Variants in TLK1 observed in about 807,000 individuals in gnomAD.
TLK1 encodes the protein serine/threonine-protein kinase tousled-like 1.
TLK1 carries 24 observed loss-of-function variants against 105.3 expected under a neutral mutation model. The observed-to-expected ratio is 0.23, with a 90% CI of 0.17 to 0.32. The LOEUF is 0.32. Among genes scored for constraint, TLK1 ranks in the 10% least tolerant of loss-of-function variants. TLK1 has a pLI of 1.00. For synonymous variants in TLK1, 321 were observed against 310.4 expected, an observed-to-expected ratio of 1.03 and a Z score of -0.36; for missense variants, 558 against 910.5, an observed-to-expected ratio of 0.61 and a Z score of 4.98.
intron 1 of TLK1, among the ~76,000 whole-genome samples, chr2:171,140,397 T>C (rs1448214126): frequency 2.6e-5 from 4 of 151,768 alleles, no homozygotes; most frequent in Non-Finnish European, 5.9e-5. Context: ...TTCCCAGAAG[T>C]GAGTCTGGTA....
At chr2:170,998,686 T>C (rs1684202938) in intron 18 of TLK1, among the ~76,000 whole-genome samples, 1 of 152,254 alleles carries the variant, frequency 6.6e-6, no homozygotes, top group Admixed American at 6.5e-5. Context: ...TCTTATTCAC[T>C]GTGCAGTTTC....
At chr2:171,054,340 C>G (rs1687393540) in intron 7 of TLK1, 1 of 152,224 alleles carries the variant, frequency 6.6e-6, no homozygotes, top group African/African-American at 2.4e-5. Context: ...TTAACTGTAG[C>G]CCCTATGATG....
intron 1 of TLK1, among the ~76,000 whole-genome samples, chr2:171,170,486 A>G (rs1692707363): frequency 6.6e-6 from 1 of 152,188 alleles, no homozygotes; most frequent in Non-Finnish European, 1.5e-5. Context: ...TTTCAGTGAG[A>G]TAGGGCCACG....
At chr2:171,175,862 A>G (rs1692811570) in intron 1 of TLK1, among the ~76,000 whole-genome samples, 2 of 152,040 alleles carry the variant, frequency 1.3e-5, no homozygotes, top group Non-Finnish European at 2.9e-5. Flanking sequence ...AAAAAGAAAT[A>G]CCAAATCCAG....
intron 1 of TLK1, among the ~76,000 whole-genome samples, chr2:171,221,558 T>A (rs1693810706): frequency 6.6e-6 from 1 of 152,244 alleles, no homozygotes; most frequent in African/African-American, 2.4e-5. Flanking sequence ...TGGTCCGATC[T>A]ATTTTTCTAG....
At chr2:171,161,026 T>A (rs1575641229), upstream of TLK1, 1 of 68,056 alleles carries the variant, frequency 1.5e-5, no homozygotes, top group Non-Finnish European at 2.9e-5. Flanking sequence ...GGGAGGGACC[T>A]GCCAGGGGCT....
intron 3 of TLK1, among the ~76,000 whole-genome samples, chr2:171,079,013 A>G (rs1031978756): frequency 4.6e-5 from 7 of 152,156 alleles, no homozygotes; most frequent in Non-Finnish European, 8.8e-5. Context: ...ACCTTTCACC[A>G]TTCCTGCATA....
rs573668149 is a variant in TLK1 at position 170,994,056 on chromosome 2, G to A, written c.2125-100C>T. The A allele has an allele frequency of 3.2e-6, 4 of 1,258,998 alleles. No individual in the cohort carries two copies. In the South Asian group the frequency reaches 6.5e-5, roughly 20 times the overall value. The allele number at this position is 1,258,998 out of a possible 1,614,324, so 78.0% of individuals were successfully genotyped here. A position where few individuals can be genotyped will look rare whatever the true frequency, so the allele number is the denominator to read the frequency against. On this transcript the variant is annotated intron_variant, in intron 20 of 20. Coordinates refer to ENST00000431350, the MANE Select transcript of TLK1 (RefSeq NM_012290.5). The stretch of plus-strand genomic sequence containing the variant: ...AAGGATGGACACATTTAAGACATAA[G>A]TAGATCTCATTTTATTGGAAGTTCA...
intron 1 of TLK1, among the ~76,000 whole-genome samples, chr2:171,189,763 T>C (rs1693109114): frequency 6.6e-6 from 1 of 152,180 alleles, no homozygotes; most frequent in Non-Finnish European, 1.5e-5. Flanking sequence ...TGCCTTTCCC[T>C]TTGTATATGG....
chr2:171,029,082 T>C (rs1037290511), intron 11 of TLK1, among the ~76,000 whole-genome samples: 31 of 151,580 alleles, frequency 2.0e-4, no homozygotes, highest in Non-Finnish European at 2.9e-5. Context: ...AAAATGGGAG[T>C]AAATCAGATG....
At chr2:171,187,791 A>G (rs1188294303) in intron 1 of TLK1, among the ~76,000 whole-genome samples, 1 of 152,198 alleles carries the variant, frequency 6.6e-6, no homozygotes, top group Non-Finnish European at 1.5e-5. Context: ...CTACATCTCC[A>G]CTGCCTAGAA....
intron 1 of TLK1, among the ~76,000 whole-genome samples, chr2:171,201,138 C>T (rs549936349): frequency 2.0e-5 from 3 of 152,106 alleles, no homozygotes; most frequent in Non-Finnish European, 2.9e-5. Context: ...CCCACCTCAG[C>T]CTCCCAAAGT....
intron 2 of TLK1, among the ~76,000 whole-genome samples, chr2:171,090,783 C>T (rs1442215734): frequency 6.6e-6 from 1 of 152,148 alleles, no homozygotes; most frequent in Non-Finnish European, 1.5e-5. Context: ...TATAACTCCA[C>T]TTTATAAGGC....
At chr2:171,178,812 C>A (rs751321825) in intron 1 of TLK1, among the ~76,000 whole-genome samples, 1 of 152,150 alleles carries the variant, frequency 6.6e-6, no homozygotes, top group Non-Finnish European at 1.5e-5. Flanking sequence ...AGGCATTCTA[C>A]CATTTTCCTG....
intron 1 of TLK1, among the ~76,000 whole-genome samples, chr2:171,149,099 CTTTTTTTTTTTTTT>C (rs11335300): frequency 5.2e-5 from 3 of 57,894 alleles, no homozygotes; most frequent in African/African-American, 2.2e-4. Flanking sequence ...AATTACTTTT[CTTTTTTTTTTTTTT>C]TTTTTTTTTT....
intron 12 of TLK1, among the ~76,000 whole-genome samples, chr2:171,019,087 C>CA (rs1453484127): frequency 2.0e-5 from 3 of 151,332 alleles, no homozygotes; most frequent in Non-Finnish European, 4.4e-5. Context: ...AAGTAACTTG[C>CA]AAAAAACACC....
upstream of TLK1, among the ~76,000 whole-genome samples, chr2:171,162,708 T>C (rs1692536528): frequency 6.6e-6 from 1 of 152,214 alleles, no homozygotes; most frequent in Admixed American, 6.5e-5. Flanking sequence ...CACAGATCTT[T>C]CTGTCATATG....
upstream of TLK1, among the ~76,000 whole-genome samples, chr2:171,162,462 C>T: frequency 6.6e-6 from 1 of 152,138 alleles, no homozygotes; most frequent in South Asian, 2.1e-4. Flanking sequence ...CGCTTGAACC[C>T]GGGAGGCAGA....
intron 1 of TLK1, among the ~76,000 whole-genome samples, chr2:171,196,445 A>G (rs1383974453): frequency 1.3e-5 from 2 of 152,194 alleles, no homozygotes; most frequent in Non-Finnish European, 2.9e-5. Flanking sequence ...AGACCTTTTC[A>G]TTTTATTTAA....
Sources: allele counts gnomAD v4.1 joint callset (sites outside exome capture counted in the v4.1 genomes callset), GRCh38; gene constraint gnomAD v4.1.1; transcripts MANE v1.5; gene names NCBI Gene and HGNC (gene_info 2026-07-23, HGNC 2026-07-21).